Variants in LMBRD2 observed in about 807,000 individuals in gnomAD.
LMBRD2 encodes LMBR1 domain containing 2, also known as G protein-coupled receptor-associated protein LMBRD2.
LMBRD2 carries 55 observed loss-of-function variants against 94.4 expected under a neutral mutation model. The observed-to-expected ratio is 0.58, with a 90% CI of 0.47 to 0.73. The LOEUF is 0.73. LMBRD2 is among the 30% of genes least tolerant of loss of function. The pLI, the probability that LMBRD2 is intolerant of heterozygous loss-of-function variation, is 0.00. For missense variants in LMBRD2, 640 were observed against 831.9 expected, an observed-to-expected ratio of 0.77 and a Z score of 2.84; for synonymous variants, 246 against 272.4, an observed-to-expected ratio of 0.90 and a Z score of 0.95.
intron 6 of LMBRD2, among the ~76,000 whole-genome samples, chr5:36,131,239 T>A (rs1345850698): frequency 4.6e-5 from 7 of 152,178 alleles, no homozygotes; most frequent in African/African-American, 7.2e-5. Flanking sequence ...AAAAGCCATA[T>A]GAGCATTCCT....
chr5:36,110,233 C>A (rs1743572508), intron 14 of LMBRD2, among the ~76,000 whole-genome samples: 1 of 152,022 alleles, frequency 6.6e-6, no homozygotes. Context: ...AGAAAGATTT[C>A]TTTCTCACAA....
rs531154042 is a variant in LMBRD2, at chr5:36,125,067, GAC to G, written c.748-804_748-803del. On this transcript the variant is annotated intron_variant, in intron 6 of 17. Transcript: ENST00000296603. The stretch of plus-strand genomic sequence containing the variant: ...TCCATACTGGAGGGTGGGGAGAGAA[GAC>G]AAGGAATTGTCAGTCTTAAAATTTC... Among the ~76,000 whole-genome samples, 154 of 152,284 alleles carry G rather than the reference GAC, an allele frequency of 1.0e-3. 1 individual carries two copies. Among genetic ancestry groups the G allele is most frequent in the African/African-American group, 3.3e-3 (137 of 41,538 alleles).
At chr5:36,120,064 TTTC>T (rs1254407740) in intron 9 of LMBRD2, among the ~76,000 whole-genome samples, 7 of 149,974 alleles carry the variant, frequency 4.7e-5, no homozygotes, top group South Asian at 4.2e-4. Flanking sequence ...TCTCTCTTTA[TTTC>T]TTTTTTTTTT....
Position 36,102,684 on chromosome 5 carries a change from A to C in LMBRD2, c.*1362T>G, listed in dbSNP as rs1427051535. On this transcript the variant is annotated 3_prime_UTR_variant, in exon 18 of 18. Transcript: ENST00000296603. Reference sequence around the variant, plus strand: ...TAATATTTATTAAAAATAAAAATAAAAATTTTAAATTTATGTCTTGGGGAA... The same window carrying C: ...TAATATTTATTAAAAATAAAAATAACAATTTTAAATTTATGTCTTGGGGAA... 1 of 151,740 alleles carries C rather than the reference A, an allele frequency of 6.6e-6. No individual in the cohort carries two copies. Among genetic ancestry groups the C allele is most frequent in the East Asian group, 1.9e-4 (1 of 5,194 alleles). 9.4% of individuals were successfully genotyped at this position (151,740 alleles called of 1,614,324 possible). A position where few individuals can be genotyped will look rare whatever the true frequency, so the allele number is the denominator to read the frequency against.
At chr5:36,147,319 T>C (rs1236127162) in intron 1 of LMBRD2, among the ~76,000 whole-genome samples, 2 of 152,090 alleles carry the variant, frequency 1.3e-5, no homozygotes, top group Non-Finnish European at 2.9e-5. Flanking sequence ...ATTCAAGTGA[T>C]GAGTTGCAAG....
intron 12 of LMBRD2, 40 bp from the exon 13 acceptor site, chr5:36,114,561 C>T (rs1282939542): frequency 1.3e-6 from 2 of 1,487,182 alleles, no homozygotes. Context: ...TGGAATAGCT[C>T]TATAATTTCC....
In LMBRD2 at chr5:36,103,803, G is replaced by GTATTTCTTAAAGTCC; in HGVS notation, c.*242_*243insGGACTTTAAGAAATA. 1 of 292,936 alleles carries GTATTTCTTAAAGTCC rather than the reference G, an allele frequency of 3.4e-6. No individual in the cohort carries two copies. Among genetic ancestry groups the GTATTTCTTAAAGTCC allele is most frequent in the East Asian group, 6.2e-5 (1 of 16,180 alleles). The allele number at this position is 292,936 out of a possible 1,614,324, so 18.1% of individuals were successfully genotyped here. ...TGATCTTTCTTAAAGTCCTTCCACT[G>GTATTTCTTAAAGTCC]TAACTGTATTTCTAAGGCAGATGCT... is the stretch of plus-strand genomic sequence containing the variant. On this transcript the variant is annotated 3_prime_UTR_variant, in exon 18 of 18. Transcript: ENST00000296603.
chr5:36,150,235 A>C (rs1251758159), intron 1 of LMBRD2, among the ~76,000 whole-genome samples: 2 of 152,206 alleles, frequency 1.3e-5, no homozygotes, highest in Non-Finnish European at 2.9e-5. Flanking sequence ...GTGTTCACTA[A>C]TTCAGATGTT....
In LMBRD2 at chr5:36,099,790, T is replaced by TTGA. The variant is rs569578133; in HGVS notation, c.*4253_*4255dup. On this transcript the variant is annotated 3_prime_UTR_variant, in exon 18 of 18. Transcript: ENST00000296603. ...TAAAAAATAAATGTCTTTTAGGATA[T>TTGA]TGATGAGAAGAGGAACATGCCAATA... 1.6e-3 allele frequency: 241 copies of TTGA among 152,216 alleles called. No individual in the cohort carries two copies. The highest frequency in any genetic ancestry group is 5.5e-3 in the African/African-American group (228 of 41,556). 9.4% of individuals were successfully genotyped at this position (152,216 alleles called of 1,614,324 possible). A position where few individuals can be genotyped will look rare whatever the true frequency, so the allele number is the denominator to read the frequency against.
chr5:36,128,138 T>A (rs1744048963), intron 6 of LMBRD2, among the ~76,000 whole-genome samples: 1 of 152,084 alleles, frequency 6.6e-6, no homozygotes, highest in Non-Finnish European at 1.5e-5. Flanking sequence ...TTCTTCCAGA[T>A]CTTATCCAAG....
chr5:36,113,478 T>C (rs956320911), intron 13 of LMBRD2, among the ~76,000 whole-genome samples: 2 of 152,126 alleles, frequency 1.3e-5, no homozygotes, highest in African/African-American at 4.8e-5. Context: ...CTGCGGCTCA[T>C]CCTGCTACAA....
chr5:36,113,959 CA>C, intron 13 of LMBRD2, among the ~76,000 whole-genome samples: 1 of 152,160 alleles, frequency 6.6e-6, no homozygotes, highest in East Asian at 1.9e-4. Context: ...TCTTAATGTA[CA>C]GCTTGATTAC....
At chr5:36,108,118 T>C (rs78271106) in intron 16 of LMBRD2, among the ~76,000 whole-genome samples, 5,168 of 152,264 alleles carry the variant, frequency 0.034, 130 homozygotes, top group Non-Finnish European at 0.049. Context: ...ATATACCTTC[T>C]TTGTATTGCT....
At chr5:36,145,613 T>C (rs770190402) in intron 1 of LMBRD2, among the ~76,000 whole-genome samples, 1 of 152,226 alleles carries the variant, frequency 6.6e-6, no homozygotes, top group Admixed American at 6.5e-5. Context: ...CTTCGAGATC[T>C]AGGGTTTTTT....
In LMBRD2 at chr5:36,103,312, C is replaced by G. The variant is rs888615443; in HGVS notation, c.*734G>C. 2 of 152,124 alleles carry G rather than the reference C, an allele frequency of 1.3e-5. No homozygotes were observed. Among genetic ancestry groups the G allele is most frequent in the Non-Finnish European group, 3.0e-5 (2 of 67,756 alleles). 9.4% of individuals were successfully genotyped at this position (152,124 alleles called of 1,614,324 possible). ...AAATGATAAATGTGAACATAGCTTT[C>G]TGAAATGAAAATCTTTTATAAAGCA... is the stretch of plus-strand genomic sequence containing the variant. On this transcript the variant is annotated 3_prime_UTR_variant, in exon 18 of 18. Coordinates refer to ENST00000296603, the MANE Select transcript of LMBRD2 (RefSeq NM_001007527.2).
intron 1 of LMBRD2, among the ~76,000 whole-genome samples, chr5:36,146,926 G>A (rs1221185613): frequency 1.6e-5 from 1 of 63,554 alleles, no homozygotes; most frequent in Non-Finnish European, 3.4e-5. Flanking sequence ...CTCTGCGTGT[G>A]TGTGTGTGTG....
At chr5:36,114,692 G>A (rs1398866398) in intron 12 of LMBRD2, among the ~76,000 whole-genome samples, 171 bp from the exon 13 acceptor site, 3 of 151,818 alleles carry the variant, frequency 2.0e-5, no homozygotes, top group African/African-American at 4.8e-5. Flanking sequence ...TTTTATTGAG[G>A]TTTTCTCTTA....
Position 36,116,449 on chromosome 5 carries a change from A to G in LMBRD2, c.1436+11T>C. On this transcript the variant is annotated intron_variant, in intron 11 of 17. Coordinates refer to ENST00000296603, the MANE Select transcript of LMBRD2 (RefSeq NM_001007527.2). ...GACATTTCTCTTGTTTCTAAACATA[A>G]TCCTACTTACATGCCACTGAAAAGA... is the stretch of plus-strand genomic sequence containing the variant. 1.2e-6 allele frequency: 2 copies of G among 1,610,682 alleles called. No homozygotes were observed. The highest frequency in any genetic ancestry group is 1.7e-6 in the Non-Finnish European group (2 of 1,178,144).
chr5:36,109,880 T>A, intron 15 of LMBRD2, 65 bp downstream of exon 15: 1 of 1,181,060 alleles, frequency 8.5e-7, no homozygotes, highest in Non-Finnish European at 1.2e-6. Flanking sequence ...TCCAAATTAG[T>A]AAGATTCTTA....
Sources: allele counts gnomAD v4.1 joint callset (sites outside exome capture counted in the v4.1 genomes callset), GRCh38; gene constraint gnomAD v4.1.1; transcripts MANE v1.5; gene names NCBI Gene and HGNC (gene_info 2026-07-23, HGNC 2026-07-21).